ROCK1: variants seen among roughly 807,000 people sequenced by gnomAD.
ROCK1 encodes the protein rho-associated protein kinase 1.
Under a neutral mutation model 196.8 loss-of-function variants are expected in ROCK1, and 36 were observed. The observed-to-expected ratio is 0.18, with a 90% CI of 0.14 to 0.24. ROCK1 has a LOEUF of 0.24. ROCK1 is among the 10% of genes least tolerant of loss of function. The probability of loss-of-function intolerance (pLI) is 1.00; values close to 1 mark genes in which losing one functional copy is unlikely to be tolerated. For missense variants in ROCK1, 920 were observed against 1,562.0 expected, an observed-to-expected ratio of 0.59 and a Z score of 6.93; for synonymous variants, 443 against 515.9, an observed-to-expected ratio of 0.86 and a Z score of 1.91.
intron 16 of ROCK1, among the ~76,000 whole-genome samples, chr18:20,995,429 C>T (rs370969089): frequency 2.0e-5 from 3 of 152,200 alleles, no homozygotes; most frequent in Non-Finnish European, 1.5e-5. Context: ...AACCAACAAT[C>T]AGCTTAGTGA....
chr18:21,087,154 A>G (rs1261075503), intron 1 of ROCK1, among the ~76,000 whole-genome samples: 1 of 152,190 alleles, frequency 6.6e-6, no homozygotes. Flanking sequence ...AGAGTAACCA[A>G]TTTAAAAAGC....
At chr18:20,993,003 A>C (rs2035639644) in intron 16 of ROCK1, 66 bp from the exon 17 acceptor site, 1 of 939,740 alleles carries the variant, frequency 1.1e-6, no homozygotes, top group African/African-American at 1.7e-5. Context: ...CAGTATTGAC[A>C]ATTTAGTTTT....
intron 1 of ROCK1, among the ~76,000 whole-genome samples, chr18:21,102,920 C>A (rs1450221771): frequency 6.6e-6 from 1 of 151,520 alleles, no homozygotes; most frequent in Non-Finnish European, 1.5e-5. Context: ...CAATTTCTTG[C>A]CAAAAATCTG....
chr18:21,008,205 A>G lies in ROCK1; in HGVS notation c.1411-11T>C, dbSNP rs1027792764. ...TCTTCTTTGATTTCCCTGGAATTAT[A>G]ATGATAAAAGTTACCACTGTGATTA... is the stretch of plus-strand genomic sequence containing the variant. On this transcript the variant is annotated splice_polypyrimidine_tract_variant and intron_variant, in intron 13 of 32. Transcript: ENST00000399799. The G allele has an allele frequency of 6.4e-7, 1 of 1,567,820 alleles. No individual in the cohort carries two copies. Among genetic ancestry groups the G allele is most frequent in the Non-Finnish European group, 8.7e-7 (1 of 1,155,008 alleles).
chr18:20,993,898 TA>T (rs1472991949), intron 16 of ROCK1, among the ~76,000 whole-genome samples: 1 of 152,192 alleles, frequency 6.6e-6, no homozygotes, highest in Admixed American at 6.5e-5. Context: ...CAAAGTGGCC[TA>T]GGATTTGACA....
chr18:21,021,542 A>G (rs1354935171), intron 11 of ROCK1, among the ~76,000 whole-genome samples: 3 of 152,244 alleles, frequency 2.0e-5, no homozygotes, highest in Non-Finnish European at 4.4e-5. Context: ...CAAATACAGC[A>G]AAGAAGAAAA....
rs2035413310 is a variant in ROCK1 at position 20,970,224 on chromosome 18, A to G, written c.2820+124T>C. ...CAAACTATTTTATACATGAGTACAG[A>G]ATGACCACTATGTATTAACATAGAA... On this transcript the variant is annotated intron_variant, in intron 23 of 32. Coordinates refer to ENST00000399799, the MANE Select transcript of ROCK1 (RefSeq NM_005406.3). 4.7e-6 allele frequency: 3 copies of G among 643,264 alleles called. No homozygotes were observed. In the South Asian group the frequency reaches 6.9e-5, roughly 15 times the overall value. 39.8% of individuals were successfully genotyped at this position (643,264 alleles called of 1,614,324 possible).
At position 20,959,905 on chromosome 18, in the gene ROCK1, T is replaced by G; in HGVS notation, c.3447A>C (p.Lys1149Asn). The change falls in exon 29 of 33, where the codon AAA (lysine) becomes AAC (asparagine). Residue 1149 changes from lysine to asparagine, a missense_variant. Coordinates refer to ENST00000399799, the MANE Select transcript of ROCK1 (RefSeq NM_005406.3). The stretch of plus-strand genomic sequence containing the variant: ...CTTGTTCGTCATTATAGAACAAAAT[T>G]TTTTTGCTGCTTACCACAACATACT... ...KKQYVVVSSKKILFYNDEQDK... is the reference protein window; with the variant it reads ...KKQYVVVSSKNILFYNDEQDK... 6.2e-7 allele frequency: 1 copy of G among 1,609,578 alleles called. No individual in the cohort carries two copies. The highest frequency in any genetic ancestry group is 8.5e-7 in the Non-Finnish European group (1 of 1,176,748).
intron 1 of ROCK1, among the ~76,000 whole-genome samples, chr18:21,079,799 G>A (rs1226449525): frequency 6.6e-6 from 1 of 152,148 alleles, no homozygotes; most frequent in South Asian, 2.1e-4. Context: ...CTGTACATAG[G>A]GGACCTCAGT....
At chr18:21,083,383 G>C (rs550872657) in intron 1 of ROCK1, among the ~76,000 whole-genome samples, 1 of 152,132 alleles carries the variant, frequency 6.6e-6, no homozygotes, top group South Asian at 2.1e-4. Flanking sequence ...TCTTGAAAAA[G>C]AACAAAGTTA....
chr18:21,062,214 G>A (rs956208752), intron 2 of ROCK1, among the ~76,000 whole-genome samples: 36 of 152,160 alleles, frequency 2.4e-4, no homozygotes, highest in Non-Finnish European at 1.9e-4. Flanking sequence ...CTGATTTCAG[G>A]GCTGAGGGAA....
In ROCK1 at chr18:20,969,182, G is replaced by A; in HGVS notation, c.2847C>T (p.Thr949=). 3.1e-6 allele frequency: 5 copies of A among 1,602,806 alleles called. No individual in the cohort carries two copies. The highest frequency in any genetic ancestry group is 4.2e-6 in the Non-Finnish European group (5 of 1,177,726). ...CTCTTCTTAATATTTCAATATCTTT[G>A]GTTAGCATGCTGTTTGCTTCTTCAA... ...SRLEEANSML[T]KDIEILRREN... is the part of the protein sequence containing the mutation. Residue 949 remains threonine, a synonymous_variant, in exon 24 of 33, where the codon ACC becomes ACT. Coordinates refer to ENST00000399799, the MANE Select transcript of ROCK1 (RefSeq NM_005406.3).
intron 14 of ROCK1, 49 bp downstream of exon 14, chr18:21,008,010 A>C (rs1257454630): frequency 2.8e-6 from 4 of 1,447,478 alleles, no homozygotes; most frequent in Non-Finnish European, 3.8e-6. Context: ...AGACAACCTC[A>C]TGACAGTGTT....
intron 27 of ROCK1, among the ~76,000 whole-genome samples, chr18:20,963,972 A>T (rs1049422347): frequency 1.3e-5 from 2 of 152,244 alleles, no homozygotes; most frequent in Non-Finnish European, 2.9e-5. Context: ...TAGAAGGGAG[A>T]TTTAATATTT....
chr18:20,994,204 C>T (rs9956016), intron 16 of ROCK1, among the ~76,000 whole-genome samples: 4,330 of 152,224 alleles, frequency 0.028, 204 homozygotes, highest in African/African-American at 0.1. Flanking sequence ...ACAGCTGCCG[C>T]TTTCTTTCAA....
chr18:21,049,284 G>T, intron 3 of ROCK1, 55 bp from the exon 4 acceptor site: 1 of 1,335,300 alleles, frequency 7.5e-7, no homozygotes, highest in Non-Finnish European at 1.0e-6. Context: ...TAAAGCTCAA[G>T]GTTTCACAGA....
intron 29 of ROCK1, among the ~76,000 whole-genome samples, chr18:20,959,183 TTA>T (rs1477408108): frequency 1.2e-5 from 1 of 84,176 alleles, no homozygotes; most frequent in African/African-American, 5.0e-5. Context: ...ATATATAATA[TTA>T]TATATAATAT....
intron 9 of ROCK1, among the ~76,000 whole-genome samples, chr18:21,032,910 T>C (rs1360328206): frequency 6.6e-6 from 1 of 151,780 alleles, no homozygotes; most frequent in Non-Finnish European, 1.5e-5. Context: ...AAATAAAGAA[T>C]CAAAATAGGG....
intron 9 of ROCK1, among the ~76,000 whole-genome samples, chr18:21,030,584 C>T (rs1321546096): frequency 6.6e-6 from 1 of 152,126 alleles, no homozygotes; most frequent in Non-Finnish European, 1.5e-5. Flanking sequence ...GACAAATTCT[C>T]ACCTGTTTAA....
Sources: gnomAD v4.1 joint callset for allele counts (sites outside exome capture counted in the v4.1 genomes callset) on GRCh38, gnomAD v4.1.1 for gene constraint, MANE v1.5 for transcripts, NCBI Gene and HGNC (gene_info 2026-07-23, HGNC 2026-07-21) for gene names.